DHX35: variants seen among roughly 807,000 people sequenced by gnomAD.
DHX35 encodes the protein probable ATP-dependent RNA helicase DHX35.
DHX35 carries 84 observed loss-of-function variants against 99.6 expected under a neutral mutation model. That is an observed-to-expected ratio of 0.84 (90% confidence interval 0.71 to 1.01). The LOEUF is 1.01. Ranked by LOEUF, DHX35 falls within the 50% of genes least tolerant of loss-of-function variation. DHX35 has a pLI of 0.00. For missense variants in DHX35, 852 were observed against 888.5 expected (o/e 0.96, Z 0.52); for synonymous variants, 331 against 316.2 (o/e 1.05, Z -0.50).
chr20:38,978,302 G>T lies in DHX35; in HGVS notation c.268-5397G>T, dbSNP rs1197125185. 2.1e-5 allele frequency: 16 copies of T among 762,146 alleles called. 1 individual carries two copies. The highest frequency in any genetic ancestry group is 1.2e-4 in the South Asian group (9 of 74,522). 47.2% of individuals were successfully genotyped at this position (762,146 alleles called of 1,614,324 possible). A position where few individuals can be genotyped will look rare whatever the true frequency, so the allele number is the denominator to read the frequency against. On this transcript the variant is annotated intron_variant, in intron 3 of 21. Coordinates refer to ENST00000252011, the MANE Select transcript of DHX35 (RefSeq NM_021931.4). Reference sequence around the variant, plus strand: ...GAGCTGACCGTTCTTAAAGATAACTGGTGCTCATCTTCATCATTATCCACC... The same window carrying T: ...GAGCTGACCGTTCTTAAAGATAACTTGTGCTCATCTTCATCATTATCCACC...
chr20:38,962,544 G>C, intron 1 of DHX35, 137 bp downstream of exon 1: 1 of 1,095,534 alleles, frequency 9.1e-7, no homozygotes, highest in South Asian at 1.5e-5. Flanking sequence ...TCTGTGCGGG[G>C]GGAGCTCTGG....
At chr20:38,992,534 A>G (rs1904841246) in intron 7 of DHX35, 109 bp downstream of exon 7, 2 of 1,021,288 alleles carry the variant, frequency 2.0e-6, no homozygotes, top group South Asian at 1.3e-5. Context: ...GAAGAAAATT[A>G]AAATCATCCA....
At chr20:38,994,457 A>G (rs930482627) in intron 7 of DHX35, among the ~76,000 whole-genome samples, 1 of 151,666 alleles carries the variant, frequency 6.6e-6, no homozygotes, top group South Asian at 2.1e-4. Flanking sequence ...CTTTTAATAT[A>G]CTTTTTCATA....
chr20:38,982,668 C>A (rs1394672588), intron 3 of DHX35, among the ~76,000 whole-genome samples: 1 of 152,180 alleles, frequency 6.6e-6, no homozygotes, highest in Non-Finnish European at 1.5e-5. Context: ...CCCACCCATT[C>A]CCTGTAGACA....
At chr20:39,005,108 AT>A (rs1194140024) in intron 11 of DHX35, among the ~76,000 whole-genome samples, 1 of 152,196 alleles carries the variant, frequency 6.6e-6, no homozygotes, top group Non-Finnish European at 1.5e-5. Context: ...ACATAAAAAT[AT>A]TAGAAAGATT....
At chr20:38,972,004 G>GTTTTTTTTTTTTT (rs752049458) in intron 2 of DHX35, among the ~76,000 whole-genome samples, 3 of 81,046 alleles carry the variant, frequency 3.7e-5, no homozygotes, top group Non-Finnish European at 7.0e-5. Flanking sequence ...GTTTTGTTTT[G>GTTTTTTTTTTTTT]TTTTTTTTTT....
At position 39,018,856 on chromosome 20, in the gene DHX35, G is replaced by A; in HGVS notation, c.1455G>A (p.Glu485=). 6.2e-7 allele frequency: 1 copy of A among 1,614,064 alleles called. No homozygotes were observed. Among genetic ancestry groups the A allele is most frequent in the Non-Finnish European group, 8.5e-7 (1 of 1,179,984 alleles). ...AACCGCTTGGCATGAGAATTGCAGAGTTTCCTTTGAATCCCATGTTTGCCA... is the reference window on the plus strand; with the variant it reads ...AACCGCTTGGCATGAGAATTGCAGAATTTCCTTTGAATCCCATGTTTGCCA... ...LTEPLGMRIA[E]FPLNPMFAKM... The change falls in exon 15 of 22, where the codon GAG becomes GAA. Residue 485 remains glutamate, a synonymous_variant. Coordinates refer to ENST00000252011, the MANE Select transcript of DHX35 (RefSeq NM_021931.4).
chr20:39,016,954 T>C (rs969115561), intron 14 of DHX35, among the ~76,000 whole-genome samples: 1 of 152,018 alleles, frequency 6.6e-6, no homozygotes, highest in African/African-American at 2.4e-5. Flanking sequence ...TTTGTAAATA[T>C]TTCTCCCATT....
intron 7 of DHX35, among the ~76,000 whole-genome samples, chr20:38,993,024 T>C (rs759409461): frequency 3.3e-5 from 5 of 152,198 alleles, no homozygotes; most frequent in Non-Finnish European, 5.9e-5. Context: ...ACAGCCAATC[T>C]TGTTTCAATC....
rs1180681171 is a variant in DHX35 at position 38,997,835 on chromosome 20, G to T, written c.642+2955G>T. On this transcript the variant is annotated intron_variant, in intron 8 of 21. Coordinates refer to ENST00000252011, the MANE Select transcript of DHX35 (RefSeq NM_021931.4). The stretch of plus-strand genomic sequence containing the variant: ...ATGAGGACTATGTGGGAGTGGCAGG[G>T]GGGTTGGGTGTGGCTTAGGAAACAT... Among the ~76,000 whole-genome samples, 4 of 152,196 alleles carry T rather than the reference G, an allele frequency of 2.6e-5. No homozygotes were observed. In the East Asian group the frequency reaches 7.7e-4, roughly 29 times the overall value.
chr20:39,000,025 G>A (rs1198864607), intron 8 of DHX35, among the ~76,000 whole-genome samples: 1 of 152,206 alleles, frequency 6.6e-6, no homozygotes, highest in Non-Finnish European at 1.5e-5. Flanking sequence ...CCATTTTGCA[G>A]ATGAGAGAGC....
At chr20:38,977,931 A>T (rs1336388380) in intron 3 of DHX35, 1 of 604,416 alleles carries the variant, frequency 1.7e-6, no homozygotes. Flanking sequence ...CAAAATCATC[A>T]TCATTAGCAG....
intron 8 of DHX35, among the ~76,000 whole-genome samples, chr20:38,999,587 C>T (rs904369098): frequency 2.6e-5 from 4 of 152,192 alleles, no homozygotes; most frequent in Admixed American, 1.3e-4. Flanking sequence ...TATCCCCGGT[C>T]GAGTAAGAGT....
At chr20:38,988,054 G>T (rs1309951276) in intron 4 of DHX35, among the ~76,000 whole-genome samples, 12 of 152,180 alleles carry the variant, frequency 7.9e-5, no homozygotes, top group East Asian at 5.8e-4. Flanking sequence ...ATGAAAAGTT[G>T]TCCCTGGTTA....
chr20:38,979,606 T>C (rs1360642822), intron 3 of DHX35, among the ~76,000 whole-genome samples: 4 of 152,192 alleles, frequency 2.6e-5, no homozygotes, highest in Non-Finnish European at 5.9e-5. Flanking sequence ...TCCCCGTACC[T>C]GAGACAGTCA....
intron 14 of DHX35, among the ~76,000 whole-genome samples, chr20:39,018,090 TG>T (rs2086814435): frequency 6.6e-6 from 1 of 152,134 alleles, no homozygotes; most frequent in South Asian, 2.1e-4. Flanking sequence ...GATAACAGTA[TG>T]GGGGAGACTG....
chr20:38,983,760 G>A lies in DHX35; in HGVS notation c.329G>A (p.Arg110Lys), dbSNP rs1198500544. 1 of 1,613,940 alleles carries A rather than the reference G, an allele frequency of 6.2e-7. No homozygotes were observed. Among genetic ancestry groups the A allele is most frequent in the Non-Finnish European group, 8.5e-7 (1 of 1,179,886 alleles). Residue 110 changes from arginine to lysine, a missense_variant, in exon 4 of 22, where the codon AGA becomes AAA. Coordinates refer to ENST00000252011, the MANE Select transcript of DHX35 (RefSeq NM_021931.4). Reference protein sequence around the residue: ...GRVVGVTQPRRVAAVTVAGRV... With the variant: ...GRVVGVTQPRKVAAVTVAGRV... ...GTGGTAGGAGTGACCCAGCCTCGAA[G>A]AGTGGCTGCTGTTACAGTGAGTTTC... is the stretch of plus-strand genomic sequence containing the variant.
rs767636502 is a variant in DHX35 at position 39,006,351 on chromosome 20, A to G, written c.1217A>G (p.Tyr406Cys). The G allele has an allele frequency of 5.0e-6, 8 of 1,614,044 alleles. No individual in the cohort carries two copies. The highest frequency in any genetic ancestry group is 6.8e-6 in the Non-Finnish European group (8 of 1,179,932). The part of the protein sequence containing the change: ...RSRSGKCYRL[Y>C]TEEAFDKLPQ... The stretch of plus-strand genomic sequence containing the variant: ...CGCTCGGGAAAATGTTATCGCCTTT[A>G]TACAGGTTAGTGTGGCTTTCCCTAA... The change falls in exon 12 of 22, where the codon TAT (tyrosine) becomes TGT (cysteine). Residue 406 changes from tyrosine to cysteine, a missense_variant. Tyr to Cys is a radical substitution (Grantham distance 194). Transcript: ENST00000252011.
intron 8 of DHX35, among the ~76,000 whole-genome samples, chr20:38,997,613 C>T (rs2086451474): frequency 6.6e-6 from 1 of 152,076 alleles, no homozygotes; most frequent in Non-Finnish European, 1.5e-5. Context: ...TTATCCTGTC[C>T]TTGCTGCTCA....
Sources: allele counts gnomAD v4.1 joint callset (sites outside exome capture counted in the v4.1 genomes callset), GRCh38; gene constraint gnomAD v4.1.1; transcripts MANE v1.5; gene names NCBI Gene and HGNC (gene_info 2026-07-23, HGNC 2026-07-21).